SNCAIP: variants seen among roughly 807,000 people sequenced by gnomAD.
SNCAIP encodes synphilin-1.
Under a neutral mutation model 86.7 loss-of-function variants are expected in SNCAIP, and 43 were observed. The ratio of observed to expected loss-of-function variants is 0.50; its 90% CI spans 0.39 to 0.64. SNCAIP has a LOEUF of 0.64. SNCAIP is among the 30% of genes least tolerant of loss of function. The pLI, the probability that SNCAIP is intolerant of heterozygous loss-of-function variation, is 0.00. For synonymous variants in SNCAIP, 417 were observed against 427.2 expected, an observed-to-expected ratio of 0.98 and a Z score of 0.29; for missense variants, 981 against 1,103.1, an observed-to-expected ratio of 0.89 and a Z score of 1.57.
At chr5:122,396,822 A>G (rs553137670) in intron 2 of SNCAIP, among the ~76,000 whole-genome samples, 1 of 152,272 alleles carries the variant, frequency 6.6e-6, no homozygotes, top group Non-Finnish European at 1.5e-5. Flanking sequence ...AAAATAGACT[A>G]TCATTGAAGT....
chr5:122,456,074 A>G (rs1784670224), intron 10 of SNCAIP, among the ~76,000 whole-genome samples: 1 of 152,226 alleles, frequency 6.6e-6, no homozygotes, highest in African/African-American at 2.4e-5. Context: ...GATTCCAGTT[A>G]CTGATAGGCA....
intron 3 of SNCAIP, among the ~76,000 whole-genome samples, chr5:122,421,803 G>A (rs1485558567): frequency 1.3e-5 from 2 of 152,090 alleles, no homozygotes; most frequent in Non-Finnish European, 1.5e-5. Flanking sequence ...GGAGGAAGCA[G>A]TATAATCATA....
intron 1 of SNCAIP, among the ~76,000 whole-genome samples, chr5:122,330,982 C>T (rs957151305): frequency 1.3e-5 from 2 of 151,758 alleles, no homozygotes; most frequent in African/African-American, 2.4e-5. Flanking sequence ...TCACAAGGAG[C>T]GCACAACCTA....
intron 1 of SNCAIP, among the ~76,000 whole-genome samples, chr5:122,334,612 G>A (rs992196696): frequency 6.6e-6 from 1 of 152,148 alleles, no homozygotes; most frequent in Non-Finnish European, 1.5e-5. Flanking sequence ...TAACGTTGAG[G>A]GAAGGAAAAC....
At chr5:122,403,703 A>G (rs1317253776) in intron 2 of SNCAIP, 90 bp from the exon 3 acceptor site, 4 of 993,962 alleles carry the variant, frequency 4.0e-6, no homozygotes, top group Non-Finnish European at 6.5e-6. Context: ...CCCAAGTATC[A>G]CTTATTGTGT....
intron 3 of SNCAIP, among the ~76,000 whole-genome samples, chr5:122,415,612 T>C (rs1166374097): frequency 6.6e-6 from 1 of 152,240 alleles, no homozygotes; most frequent in African/African-American, 2.4e-5. Flanking sequence ...CAGCCTGTGC[T>C]GTCAGCCTCC....
At chr5:122,330,117 CTTTTT>C (rs1212303157) in intron 1 of SNCAIP, among the ~76,000 whole-genome samples, 5 of 96,828 alleles carry the variant, frequency 5.2e-5, no homozygotes, top group Admixed American at 3.1e-4. Context: ...AACTTCATTT[CTTTTT>C]TTTTTTTTTT....
intron 1 of SNCAIP, among the ~76,000 whole-genome samples, chr5:122,343,685 T>G (rs1346918329): frequency 6.6e-6 from 1 of 152,194 alleles, no homozygotes; most frequent in Non-Finnish European, 1.5e-5. Context: ...TACTGACCCT[T>G]TGGATCGGGT....
At chr5:122,365,803 T>A (rs898535628) in intron 1 of SNCAIP, among the ~76,000 whole-genome samples, 2 of 152,202 alleles carry the variant, frequency 1.3e-5, no homozygotes, top group Admixed American at 6.5e-5. Flanking sequence ...CTGTGGGTTA[T>A]GGTGAACAAG....
At chr5:122,322,913 G>A (rs933356404) in intron 1 of SNCAIP, among the ~76,000 whole-genome samples, 26 of 152,250 alleles carry the variant, frequency 1.7e-4, no homozygotes, top group African/African-American at 5.1e-4. Flanking sequence ...AAAAGAATTC[G>A]TGCCTCTTTG....
intron 1 of SNCAIP, among the ~76,000 whole-genome samples, chr5:122,387,838 A>T (rs1768522393): frequency 6.6e-6 from 1 of 152,244 alleles, no homozygotes; most frequent in South Asian, 2.1e-4. Context: ...ACAAATTGTG[A>T]TGTGCCAATA....
chr5:122,387,491 A>G (rs1156707050), intron 1 of SNCAIP, among the ~76,000 whole-genome samples: 1 of 152,176 alleles, frequency 6.6e-6, no homozygotes, highest in Non-Finnish European at 1.5e-5. Flanking sequence ...CTTTCTGGAA[A>G]GCGTAAAAAA....
At chr5:122,404,770 T>C (rs569624834) in intron 3 of SNCAIP, among the ~76,000 whole-genome samples, 1 of 152,322 alleles carries the variant, frequency 6.6e-6, no homozygotes, top group East Asian at 1.9e-4. Flanking sequence ...GCCTTTCTAA[T>C]GGAAAGGATT....
chr5:122,315,253 T>A (rs1751466226), intron 1 of SNCAIP, among the ~76,000 whole-genome samples: 2 of 152,230 alleles, frequency 1.3e-5, no homozygotes, highest in South Asian at 4.1e-4. Context: ...TTTACTTATA[T>A]GTCTGGCAGT....
At chr5:122,375,210 T>C (rs992505097) in intron 1 of SNCAIP, among the ~76,000 whole-genome samples, 7 of 152,186 alleles carry the variant, frequency 4.6e-5, no homozygotes, top group Admixed American at 4.6e-4. Context: ...GGAATTTATC[T>C]CCTTTCAGTT....
At chr5:122,444,796 G>T in intron 8 of SNCAIP, 64 bp downstream of exon 8, 1 of 1,333,424 alleles carries the variant, frequency 7.5e-7, no homozygotes, top group Non-Finnish European at 1.1e-6. Flanking sequence ...TTAGGCTTCA[G>T]CCCCATGCTG....
At chr5:122,346,377 C>G (rs1252125413) in intron 1 of SNCAIP, among the ~76,000 whole-genome samples, 2 of 151,996 alleles carry the variant, frequency 1.3e-5, no homozygotes, top group African/African-American at 4.8e-5. Flanking sequence ...TTTTAAAAAA[C>G]TCAAAAATGT....
intron 6 of SNCAIP, chr5:122,436,369 TTA>T (rs1329435202): frequency 6.6e-6 from 1 of 152,154 alleles, no homozygotes; most frequent in African/African-American, 2.4e-5. Flanking sequence ...ATGTCGGCTG[TTA>T]TCACTATTGA....
At chr5:122,442,783 C>G (rs183372518) in intron 7 of SNCAIP, among the ~76,000 whole-genome samples, 70 of 152,182 alleles carry the variant, frequency 4.6e-4, no homozygotes, top group Non-Finnish European at 8.8e-4. Flanking sequence ...TGAAGAGAGA[C>G]AGTCTTTGCT....
Sources: gnomAD v4.1 joint callset for allele counts (sites outside exome capture counted in the v4.1 genomes callset) on GRCh38, gnomAD v4.1.1 for gene constraint, MANE v1.5 for transcripts, NCBI Gene and HGNC (gene_info 2026-07-23, HGNC 2026-07-21) for gene names.